Variants in ARID4B observed in about 807,000 individuals in gnomAD.
ARID4B encodes the protein AT-rich interaction domain 4B.
ARID4B carries 26 observed loss-of-function variants against 147.5 expected under a neutral mutation model. The observed-to-expected ratio is 0.18, with a 90% CI of 0.13 to 0.24. ARID4B has a LOEUF of 0.24. Ranked by LOEUF, ARID4B falls within the 10% of genes least tolerant of loss-of-function variation. The pLI is 1.00. For missense variants in ARID4B, 1,179 were observed against 1,511.5 expected (o/e 0.78, Z 3.65); for synonymous variants, 512 against 507.9 (o/e 1.01, Z -0.11).
rs141743469 is a variant in ARID4B, at chr1:235,233,701, ACTATAACC to A, written c.665+704_665+711del. Among the ~76,000 whole-genome samples, 161 of 152,322 alleles carry A rather than the reference ACTATAACC, an allele frequency of 1.1e-3. 1 individual carries two copies. In the East Asian group the frequency reaches 0.026, roughly 25 times the overall value. Reference sequence around the variant, plus strand: ...AGTTGAGTATTATCCAACAGGTATCACTATAACCATTAGACATAACTAGTAGAAGTATT... The same window carrying A: ...AGTTGAGTATTATCCAACAGGTATCAATTAGACATAACTAGTAGAAGTATT... On this transcript the variant is annotated intron_variant, in intron 9 of 23. Transcript: ENST00000264183.
intron 13 of ARID4B, 60 bp downstream of exon 13, chr1:235,223,106 C>T (rs374897072): frequency 1.8e-5 from 20 of 1,114,780 alleles, no homozygotes; most frequent in African/African-American, 1.6e-4. Context: ...TCAGAGATGG[C>T]AGATACCTGA....
intron 2 of ARID4B, among the ~76,000 whole-genome samples, chr1:235,318,843 T>G (rs2103300065): frequency 6.6e-6 from 1 of 152,140 alleles, no homozygotes; most frequent in Admixed American, 6.5e-5. Flanking sequence ...GTCGAGCCAC[T>G]GCACTCCAGC....
chr1:235,210,704 T>C (rs941254419), intron 17 of ARID4B, among the ~76,000 whole-genome samples: 1 of 152,170 alleles, frequency 6.6e-6, no homozygotes, highest in African/African-American at 2.4e-5. Flanking sequence ...CTTTTGAAAG[T>C]TCATAGCATA....
intron 11 of ARID4B, chr1:235,229,024 AG>A: frequency 1.8e-6 from 1 of 545,228 alleles, no homozygotes; most frequent in Non-Finnish European, 3.0e-6. Context: ...TAGGAAAATC[AG>A]GCTTAATATT....
chr1:235,271,395 T>A (rs1277433730), intron 2 of ARID4B, among the ~76,000 whole-genome samples: 2 of 151,346 alleles, frequency 1.3e-5, no homozygotes, highest in Non-Finnish European at 2.9e-5. Context: ...TTTGGGAGGC[T>A]GAGACAGGCG....
At chr1:235,183,786 T>C (rs1664487369) in intron 19 of ARID4B, among the ~76,000 whole-genome samples, 1 of 151,950 alleles carries the variant, frequency 6.6e-6, no homozygotes, top group African/African-American at 2.4e-5. Flanking sequence ...TTCTCTTTCT[T>C]TATTTCTCTC....
intron 11 of ARID4B, 42 bp downstream of exon 11, chr1:235,229,189 T>A (rs1264083117): frequency 1.3e-6 from 2 of 1,588,102 alleles, no homozygotes; most frequent in South Asian, 1.2e-5. Flanking sequence ...GAAACCCAAC[T>A]GTTATTTATA....
intron 8 of ARID4B, among the ~76,000 whole-genome samples, chr1:235,239,014 GCT>G (rs1192525210): frequency 7.3e-6 from 1 of 137,824 alleles, no homozygotes; most frequent in Admixed American, 7.7e-5. Context: ...AGGGAATCTT[GCT>G]CTGTCGCCCA....
chr1:235,255,028 T>A (rs1200347603), intron 5 of ARID4B, among the ~76,000 whole-genome samples: 1 of 151,928 alleles, frequency 6.6e-6, no homozygotes, highest in African/African-American at 2.4e-5. Flanking sequence ...AACCTCTATT[T>A]CTCAGTATGT....
At chr1:235,270,997 TTTTAGTATAAC>T (rs1254335461) in intron 2 of ARID4B, among the ~76,000 whole-genome samples, 2 of 152,138 alleles carry the variant, frequency 1.3e-5, no homozygotes, top group Non-Finnish European at 2.9e-5. Flanking sequence ...GTAGAACATT[TTTTAGTATAAC>T]AAGTCACTAA....
At chr1:235,199,841 T>C (rs1253855225) in intron 17 of ARID4B, among the ~76,000 whole-genome samples, 2 of 152,182 alleles carry the variant, frequency 1.3e-5, no homozygotes, top group African/African-American at 4.8e-5. Flanking sequence ...AGTTGTCTGA[T>C]AGATCTTACA....
In ARID4B at chr1:235,299,206, A is replaced by G. The variant is rs184626533; in HGVS notation, c.6+27708T>C. 9.9e-5 allele frequency among the ~76,000 whole-genome samples: 15 copies of G among 152,222 alleles called. No homozygotes were observed. The East Asian group carries it at 2.9e-3, about 29-fold the overall frequency. On this transcript the variant is annotated intron_variant, in intron 2 of 23. Transcript: ENST00000264183. ...TTTTTGGTGTTTTCCTAAGGGATAA[A>G]CTGTGGTTTGGTTTTGTTTTTTATT...
intron 2 of ARID4B, among the ~76,000 whole-genome samples, chr1:235,287,631 T>C (rs1173220652): frequency 2.0e-5 from 3 of 152,330 alleles, no homozygotes; most frequent in East Asian, 3.9e-4. Context: ...ACACCTTTAT[T>C]CTCTACCCAG....
chr1:235,320,300 G>A (rs1674735923), intron 2 of ARID4B, among the ~76,000 whole-genome samples: 2 of 152,198 alleles, frequency 1.3e-5, no homozygotes, highest in Admixed American at 6.5e-5. Flanking sequence ...GAGAGGCTCC[G>A]TCTCAAAAGA....
At chr1:235,197,908 T>A (rs529362059) in intron 17 of ARID4B, among the ~76,000 whole-genome samples, 1 of 152,172 alleles carries the variant, frequency 6.6e-6, no homozygotes, top group Non-Finnish European at 1.5e-5. Flanking sequence ...CCTATTAATA[T>A]CGAAAATTGT....
intron 2 of ARID4B, among the ~76,000 whole-genome samples, chr1:235,272,806 A>C (rs1224807708): frequency 7.0e-6 from 1 of 143,800 alleles, no homozygotes; most frequent in Non-Finnish European, 1.5e-5. Context: ...CAATATAAAT[A>C]AATGTCTATA....
At chr1:235,290,772 G>T (rs1439026200) in intron 2 of ARID4B, among the ~76,000 whole-genome samples, 5 of 152,248 alleles carry the variant, frequency 3.3e-5, no homozygotes, top group Admixed American at 2.6e-4. Context: ...CTGGACTGTG[G>T]TGATGGGTGA....
At position 235,167,793 on chromosome 1, in the gene ARID4B, C is replaced by T. The variant is rs566578366; in HGVS notation, c.*732G>A. On this transcript the variant is annotated 3_prime_UTR_variant, in exon 24 of 24. Coordinates refer to ENST00000264183, the MANE Select transcript of ARID4B (RefSeq NM_016374.6). ...TTAAGATTTAATACAGTTTATTAGC[C>T]ATTTTCTTTTTTCACACAATGTATA... The T allele has an allele frequency of 5.2e-6, 1 of 192,988 alleles. No individual in the cohort carries two copies. The highest frequency in any genetic ancestry group is 8.3e-5 in the East Asian group (1 of 12,084). 12.0% of individuals were successfully genotyped at this position (192,988 alleles called of 1,614,324 possible). A position where few individuals can be genotyped will look rare whatever the true frequency, so the allele number is the denominator to read the frequency against.
chr1:235,195,234 T>C (rs1217063036), intron 18 of ARID4B, among the ~76,000 whole-genome samples: 2 of 152,148 alleles, frequency 1.3e-5, no homozygotes, highest in East Asian at 3.9e-4. Context: ...CTATCATACA[T>C]AAAAGTAACA....
Sources: allele counts gnomAD v4.1 joint callset (sites outside exome capture counted in the v4.1 genomes callset), GRCh38; gene constraint gnomAD v4.1.1; transcripts MANE v1.5; gene names NCBI Gene and HGNC (gene_info 2026-07-23, HGNC 2026-07-21).